MGAM2: variants seen among roughly 807,000 people sequenced by gnomAD.
MGAM2 encodes the protein probable maltase-glucoamylase 2.
A neutral mutation model predicts 96.1 loss-of-function variants in MGAM2; 98 were observed. The ratio of observed to expected loss-of-function variants is 1.02; its 90% CI spans 0.87 to 1.21. MGAM2 has a LOEUF of 1.21. Ranked by LOEUF, MGAM2 falls within the 50% of genes most tolerant of loss-of-function variation. The pLI is 0.00. For synonymous variants in MGAM2, 749 were observed against 414.8 expected (o/e 1.81, Z -9.79); for missense variants, 2,055 against 1,182.4 (o/e 1.74, Z -10.82).
intron 34 of MGAM2, 33 bp from the exon 35 acceptor site, chr7:142,185,956 C>G (rs1189181970): frequency 1.4e-6 from 1 of 701,082 alleles, no homozygotes; most frequent in Non-Finnish European, 2.6e-6. Context: ...TAGGCTGAGA[C>G]CCCGACAATG....
chr7:142,140,745 C>G, intron 10 of MGAM2, 57 bp from the exon 11 acceptor site: 1 of 635,138 alleles, frequency 1.6e-6, no homozygotes, highest in African/African-American at 1.8e-5. Context: ...AGCTGTAATA[C>G]TTTCCATCAG....
rs143130286 is a variant in MGAM2, at chr7:142,208,636, A to G, written c.5187+14A>G. The G allele has an allele frequency of 1.4e-6, 1 of 701,620 alleles. No individual in the cohort carries two copies. 43.5% of individuals were successfully genotyped at this position (701,620 alleles called of 1,614,324 possible). ...ATAGCAGCTCAGGTAAGACTAATTT[A>G]CTACATTTTACAAATCTTTTCCCAG... On this transcript the variant is annotated intron_variant, in intron 46 of 47. Transcript: ENST00000477922.
rs1375271774 is a variant in MGAM2 at position 142,148,614 on chromosome 7, T to C, written c.1634+1041T>C. On this transcript the variant is annotated intron_variant, in intron 15 of 47. Transcript: ENST00000477922. The surrounding 1 kb of genome is among the most constrained non-coding windows in gnomAD (Gnocchi z 4.2). ...GTGTAGTTTCTTCTGTGGAAGATGG[T>C]ACAATACAATCATTATACCTAAGAG... is the stretch of plus-strand genomic sequence containing the variant. Among the ~76,000 whole-genome samples the C allele has an allele frequency of 6.6e-6, 1 of 152,214 alleles. No individual in the cohort carries two copies. Among genetic ancestry groups the C allele is most frequent in the Admixed American group, 6.5e-5 (1 of 15,280 alleles).
At chr7:142,124,833 T>G (rs1459288129) in intron 3 of MGAM2, among the ~76,000 whole-genome samples, 1 of 152,148 alleles carries the variant, frequency 6.6e-6, no homozygotes, top group Non-Finnish European at 1.5e-5. Flanking sequence ...TTCTTAAATT[T>G]TAATTTTCTG....
chr7:142,164,125 G>A (rs76319134), intron 23 of MGAM2, among the ~76,000 whole-genome samples: 284 of 152,258 alleles, frequency 1.9e-3, no homozygotes, highest in African/African-American at 6.5e-3. Flanking sequence ...AGTTGCCCCA[G>A]CACCTTTGTT....
In MGAM2 at chr7:142,159,267, C is replaced by A; in HGVS notation, c.2164-20C>A. On this transcript the variant is annotated intron_variant, in intron 19 of 47. Transcript: ENST00000477922. ...TAGAGAGGGGTATGCTAATGCTACT[C>A]ATTATTGTTGTTTACCTAGGGTGTG... 2 of 701,616 alleles carry A rather than the reference C, an allele frequency of 2.9e-6. No homozygotes were observed. The highest frequency in any genetic ancestry group is 3.0e-5 in the South Asian group (2 of 67,498). The allele number at this position is 701,616 out of a possible 1,614,324, so 43.5% of individuals were successfully genotyped here.
intron 32 of MGAM2, among the ~76,000 whole-genome samples, chr7:142,178,731 G>C (rs941979861): frequency 1.4e-4 from 22 of 152,258 alleles, no homozygotes; most frequent in African/African-American, 5.3e-4. Context: ...TTCTTGCTTA[G>C]AATTGCTTTG....
chr7:142,167,852 A>C (rs929959016), intron 26 of MGAM2, among the ~76,000 whole-genome samples: 1 of 152,104 alleles, frequency 6.6e-6, no homozygotes, highest in Non-Finnish European at 1.5e-5. Flanking sequence ...GGTTACAGGC[A>C]TGAGCCACTG....
intron 1 of MGAM2, among the ~76,000 whole-genome samples, chr7:142,114,695 G>T (rs1222109293): frequency 6.6e-6 from 1 of 152,100 alleles, no homozygotes; most frequent in Non-Finnish European, 1.5e-5. Flanking sequence ...CAGATACAAG[G>T]ATTATGCTTA....
At chr7:142,210,210 A>G (rs1330074835) in intron 46 of MGAM2, among the ~76,000 whole-genome samples, 1 of 152,118 alleles carries the variant, frequency 6.6e-6, no homozygotes, top group African/African-American at 2.4e-5. Context: ...AGAGCAGGAG[A>G]TTCCCTCAGG....
intron 31 of MGAM2, among the ~76,000 whole-genome samples, chr7:142,174,715 C>CTGTTTTTTTTTTTTTTTTTTTTT (rs1194981898): frequency 1.2e-5 from 1 of 85,460 alleles, no homozygotes; most frequent in Non-Finnish European, 2.1e-5. Context: ...CTCTCTCTCT[C>CTGTTTTTTTTTTTTTTTTTTTTT]TTTTTTTTTT....
chr7:142,133,319 G>T (rs1794962842), intron 6 of MGAM2, among the ~76,000 whole-genome samples: 1 of 145,474 alleles, frequency 6.9e-6, no homozygotes, highest in Non-Finnish European at 1.5e-5. Flanking sequence ...ATGTTTATTT[G>T]TATAATATAT....
chr7:142,171,520 C>G, intron 28 of MGAM2, 80 bp downstream of exon 28: 1 of 632,006 alleles, frequency 1.6e-6, no homozygotes, highest in South Asian at 1.8e-5. Context: ...TATATGATAC[C>G]TTGCTCATCA....
chr7:142,220,527 A>T lies in MGAM2; in HGVS notation c.6016A>T (p.Thr2006Ser), dbSNP rs1797892178. 1.4e-6 allele frequency: 1 copy of T among 702,012 alleles called. No individual in the cohort carries two copies. Among genetic ancestry groups the T allele is most frequent in the South Asian group, 1.5e-5 (1 of 67,580 alleles). 43.5% of individuals were successfully genotyped at this position (702,012 alleles called of 1,614,324 possible). A position where few individuals can be genotyped will look rare whatever the true frequency, so the allele number is the denominator to read the frequency against. Reference protein sequence around the residue: ...TVPDTTAPFPTSTTSASTNAT... With the variant: ...TVPDTTAPFPSSTTSASTNAT... ...TCCTGATACAACTGCTCCTTTCCCTACAAGTACTACTAGTGCTAGCACTAA... is the reference window on the plus strand; with the variant it reads ...TCCTGATACAACTGCTCCTTTCCCTTCAAGTACTACTAGTGCTAGCACTAA... Residue 2006 changes from threonine (T) to serine (S), a missense_variant, in exon 48 of 48, where the codon ACA becomes TCA. Coordinates refer to ENST00000477922, the MANE Select transcript of MGAM2 (RefSeq NM_001293626.2).
intron 32 of MGAM2, among the ~76,000 whole-genome samples, chr7:142,181,743 T>C (rs1796550030): frequency 6.6e-6 from 1 of 151,884 alleles, no homozygotes; most frequent in African/African-American, 2.4e-5. Context: ...TGTCTGGGGG[T>C]GATCTGTTGA....
intron 36 of MGAM2, among the ~76,000 whole-genome samples, chr7:142,188,256 G>T (rs1373671109): frequency 6.6e-6 from 1 of 151,898 alleles, no homozygotes; most frequent in African/African-American, 2.4e-5. Context: ...TCATTCTGTG[G>T]TACAAACAAA....
intron 37 of MGAM2, among the ~76,000 whole-genome samples, chr7:142,194,145 G>A (rs908820065): frequency 6.6e-5 from 10 of 151,560 alleles, no homozygotes; most frequent in Admixed American, 1.3e-4. Context: ...CAATTCTCCT[G>A]CCTCAGCCTC....
intron 14 of MGAM2, among the ~76,000 whole-genome samples, chr7:142,146,794 C>T (rs866481806): frequency 1.3e-4 from 19 of 151,500 alleles, no homozygotes; most frequent in South Asian, 4.2e-4. Flanking sequence ...GTGGCACGAT[C>T]TCGGCTCATT....
At chr7:142,204,929 C>T (rs765837782) in intron 45 of MGAM2, among the ~76,000 whole-genome samples, 9 of 152,184 alleles carry the variant, frequency 5.9e-5, no homozygotes, top group African/African-American at 1.2e-4. Flanking sequence ...GGGCATACTA[C>T]GGTGCCAATT....
Sources: allele counts gnomAD v4.1 joint callset (sites outside exome capture counted in the v4.1 genomes callset), GRCh38; gene constraint gnomAD v4.1.1; non-coding constraint Gnocchi (gnomAD v3.1); transcripts MANE v1.5; gene names NCBI Gene and HGNC (gene_info 2026-07-23, HGNC 2026-07-21).